The following COL24A1 variants were observed in gnomAD, a reference collection of about 807,000 sequenced individuals.
COL24A1 encodes the protein collagen type XXIV alpha 1 chain.
In COL24A1, 224 loss-of-function variants were observed where a neutral mutation model predicts 253.9. The ratio of observed to expected loss-of-function variants is 0.88; its 90% CI spans 0.79 to 0.99. COL24A1 has a LOEUF of 0.99. Ranked by LOEUF, COL24A1 falls within the 50% of genes least tolerant of loss-of-function variation. COL24A1 has a pLI of 0.00. For missense variants in COL24A1, 2,131 were observed against 2,068.5 expected (o/e 1.03, Z -0.59); for synonymous variants, 685 against 673.7 (o/e 1.02, Z -0.26).
At chr1:85,959,617 G>A (rs968021174) in intron 24 of COL24A1, among the ~76,000 whole-genome samples, 3 of 151,992 alleles carry the variant, frequency 2.0e-5, no homozygotes, top group Non-Finnish European at 2.9e-5. Context: ...ATGGAATACC[G>A]TAATATGAAA....
At chr1:86,087,259 CTT>C (rs1703126923) in intron 7 of COL24A1, among the ~76,000 whole-genome samples, 2 of 152,066 alleles carry the variant, frequency 1.3e-5, no homozygotes, top group Non-Finnish European at 2.9e-5. Flanking sequence ...TGTTATATGA[CTT>C]TACTAGAAAA....
At chr1:85,790,835 A>G (rs1365104355) in intron 47 of COL24A1, among the ~76,000 whole-genome samples, 1 of 152,204 alleles carries the variant, frequency 6.6e-6, no homozygotes, top group Non-Finnish European at 1.5e-5. Context: ...GTATATATCA[A>G]CATTATCAGA....
intron 7 of COL24A1, among the ~76,000 whole-genome samples, chr1:86,066,259 G>A (rs1211335792): frequency 9.4e-6 from 1 of 106,092 alleles, no homozygotes; most frequent in Admixed American, 1.2e-4. Flanking sequence ...TTTTTTTTGA[G>A]GCAGAGTCTC....
chr1:85,925,391 C>G (rs1031672020), intron 24 of COL24A1, among the ~76,000 whole-genome samples: 3 of 152,124 alleles, frequency 2.0e-5, no homozygotes, highest in African/African-American at 7.2e-5. Context: ...AAGAACAAAG[C>G]TGGAGGCATC....
chr1:85,941,583 G>T (rs1040219070), intron 24 of COL24A1, among the ~76,000 whole-genome samples: 1 of 151,896 alleles, frequency 6.6e-6, no homozygotes, highest in Non-Finnish European at 1.5e-5. Context: ...TATTTAGAGG[G>T]TATTTAAAAT....
At chr1:85,780,726 T>C (rs1184144870) in intron 52 of COL24A1, among the ~76,000 whole-genome samples, 1 of 152,204 alleles carries the variant, frequency 6.6e-6, no homozygotes, top group Non-Finnish European at 1.5e-5. Context: ...CATTTTCCCC[T>C]ACTTCCTTCA....
At chr1:85,909,236 AAAAAC>A (rs1023437842) in intron 26 of COL24A1, among the ~76,000 whole-genome samples, 5 of 151,790 alleles carry the variant, frequency 3.3e-5, no homozygotes, top group Admixed American at 2.6e-4. Flanking sequence ...GCATAGCTTA[AAAAAC>A]AAAACAAAAC....
chr1:85,734,110 C>T (rs1222015805), intron 59 of COL24A1, among the ~76,000 whole-genome samples: 1 of 151,484 alleles, frequency 6.6e-6, no homozygotes, highest in Non-Finnish European at 1.5e-5. Context: ...ACCATGTTGG[C>T]CAGGCTGGTC....
At chr1:86,082,788 A>G (rs1446525066) in intron 7 of COL24A1, among the ~76,000 whole-genome samples, 1 of 150,876 alleles carries the variant, frequency 6.6e-6, no homozygotes, top group East Asian at 1.9e-4. Flanking sequence ...CTTGCCTGAA[A>G]TGCTTGGGAC....
intron 5 of COL24A1, among the ~76,000 whole-genome samples, chr1:86,103,849 G>T (rs1252162115): frequency 6.6e-6 from 1 of 152,066 alleles, no homozygotes; most frequent in Non-Finnish European, 1.5e-5. Context: ...AGAATCTGAC[G>T]ATTATGTGTC....
intron 14 of COL24A1, among the ~76,000 whole-genome samples, chr1:86,031,664 TA>T (rs1357585842): frequency 1.3e-5 from 2 of 152,144 alleles, no homozygotes; most frequent in African/African-American, 4.8e-5. Context: ...AATATATCAT[TA>T]TTTTTTCTTA....
At chr1:85,853,756 A>G (rs11161691) in intron 37 of COL24A1, among the ~76,000 whole-genome samples, 29,548 of 152,028 alleles carry the variant, frequency 0.19, 3,242 homozygotes, top group Non-Finnish European at 0.24. Context: ...TTGATGGCCA[A>G]ATGTATGTCT....
At chr1:86,098,949 A>G (rs1704224009) in intron 5 of COL24A1, among the ~76,000 whole-genome samples, 1 of 152,218 alleles carries the variant, frequency 6.6e-6, no homozygotes, top group African/African-American at 2.4e-5. Flanking sequence ...CACTATCATT[A>G]ACCACCATAA....
At chr1:86,022,316 G>C in intron 17 of COL24A1, 23 bp from the exon 18 acceptor site, 3 of 1,087,010 alleles carry the variant, frequency 2.8e-6, no homozygotes, top group Non-Finnish European at 3.8e-6. Context: ...AATAACAGAA[G>C]AGAAAGTTAT....
chr1:85,876,408 T>C (rs1483774759), intron 33 of COL24A1, among the ~76,000 whole-genome samples: 2 of 152,156 alleles, frequency 1.3e-5, no homozygotes, highest in African/African-American at 4.8e-5. Context: ...AGTGGGACAG[T>C]AATGGATTTG....
chr1:85,979,104 G>C (rs1365567577), intron 20 of COL24A1, among the ~76,000 whole-genome samples: 1 of 152,114 alleles, frequency 6.6e-6, no homozygotes, highest in Admixed American at 6.6e-5. Flanking sequence ...GGTCAACAAT[G>C]AAATCAAGAT....
chr1:86,067,738 TA>T (rs1701595732), intron 7 of COL24A1, among the ~76,000 whole-genome samples: 1 of 152,208 alleles, frequency 6.6e-6, no homozygotes, highest in Non-Finnish European at 1.5e-5. Context: ...ATTTTCTACT[TA>T]AAAACTAGTC....
intron 55 of COL24A1, among the ~76,000 whole-genome samples, chr1:85,746,398 A>G (rs1444427413): frequency 6.6e-6 from 1 of 152,230 alleles, no homozygotes; most frequent in Non-Finnish European, 1.5e-5. Context: ...TAATTGACTC[A>G]TTCTGCATAT....
At chr1:85,816,620 G>T (rs1444331792) in intron 47 of COL24A1, among the ~76,000 whole-genome samples, 168 bp downstream of exon 47, 1 of 152,184 alleles carries the variant, frequency 6.6e-6, no homozygotes, top group Non-Finnish European at 1.5e-5. Flanking sequence ...TGTACCTATT[G>T]ACAGTTCCTG....
Sources: gnomAD v4.1 joint callset for allele counts (sites outside exome capture counted in the v4.1 genomes callset) on GRCh38, gnomAD v4.1.1 for gene constraint, MANE v1.5 for transcripts, NCBI Gene and HGNC (gene_info 2026-07-23, HGNC 2026-07-21) for gene names.